ARHGAP25: variants seen among roughly 807,000 people sequenced by gnomAD.
The protein encoded by ARHGAP25 is Rho GTPase activating protein 25.
In ARHGAP25, 34 loss-of-function variants were observed where a neutral mutation model predicts 71.0. The ratio of observed to expected loss-of-function variants is 0.48; its 90% CI spans 0.36 to 0.64. The LOEUF (loss-of-function observed/expected upper bound fraction) is 0.64, where lower values mean the gene tolerates loss of function less well. ARHGAP25 is among the 30% of genes least tolerant of loss of function. The pLI is 0.00. For synonymous variants in ARHGAP25, 282 were observed against 296.5 expected (o/e 0.95, Z 0.50); for missense variants, 706 against 805.1 (o/e 0.88, Z 1.49).
At chr2:68,756,484 CT>C (rs994024152) in intron 1 of ARHGAP25, among the ~76,000 whole-genome samples, 5 of 152,152 alleles carry the variant, frequency 3.3e-5, no homozygotes, top group Admixed American at 1.3e-4. Context: ...CTCCTTTTCC[CT>C]TTTTGGGAGC....
chr2:68,774,972 C>T, intron 1 of ARHGAP25: 1 of 1,431,774 alleles, frequency 7.0e-7, no homozygotes, highest in Non-Finnish European at 9.1e-7. Flanking sequence ...GCCGGACTGC[C>T]TGTGCACGGG....
intron 9 of ARHGAP25, among the ~76,000 whole-genome samples, chr2:68,819,920 T>G (rs1418994977): frequency 6.6e-6 from 1 of 152,202 alleles, no homozygotes; most frequent in Non-Finnish European, 1.5e-5. Flanking sequence ...TTTATATATT[T>G]ATAGGAACAA....
At chr2:68,727,782 C>A (rs1186377615) in intron 2 of ARHGAP25, among the ~76,000 whole-genome samples, 2 of 152,250 alleles carry the variant, frequency 1.3e-5, no homozygotes, top group South Asian at 4.1e-4. Flanking sequence ...AAAACAACAG[C>A]TACAACCATC....
intron 9 of ARHGAP25, 56 bp from the exon 10 acceptor site, chr2:68,822,284 G>A: frequency 6.5e-7 from 1 of 1,537,508 alleles, no homozygotes. Flanking sequence ...TACCTTGGGA[G>A]CATGACACAC....
chr2:68,728,626 G>T (rs1161464223), intron 2 of ARHGAP25, among the ~76,000 whole-genome samples: 1 of 152,136 alleles, frequency 6.6e-6, no homozygotes, highest in African/African-American at 2.4e-5. Context: ...GCCAGGCATG[G>T]TGGCTCACAC....
intron 1 of ARHGAP25, among the ~76,000 whole-genome samples, chr2:68,764,853 A>G (rs569890484): frequency 2.0e-5 from 3 of 152,326 alleles, no homozygotes; most frequent in East Asian, 1.9e-4. Flanking sequence ...CCTATCCTAC[A>G]TCTTGCAGAA....
intron 4 of ARHGAP25, among the ~76,000 whole-genome samples, chr2:68,802,358 A>G (rs756341642): frequency 1.0e-4 from 15 of 146,644 alleles, no homozygotes; most frequent in Non-Finnish European, 1.8e-4. Context: ...CAGTGAGCCA[A>G]GATTGCGCCA....
At position 68,767,703 on chromosome 2, in the gene ARHGAP25, C is replaced by T. The variant is rs1253344923; in HGVS notation, c.62-7518C>T. 6.6e-6 allele frequency among the ~76,000 whole-genome samples: 1 copy of T among 152,168 alleles called. No individual in the cohort carries two copies. Reference sequence around the variant, plus strand: ...AGCTGGTAAGACGTGGCAGGATTACCTAATATGTCCGTTTTCTTGTTGGGG... The same window carrying T: ...AGCTGGTAAGACGTGGCAGGATTACTTAATATGTCCGTTTTCTTGTTGGGG... On this transcript the variant is annotated intron_variant, in intron 1 of 10. Transcript: ENST00000409202. This position sits in a 1 kb window ranked among gnomAD's most constrained non-coding sequence, Gnocchi z 4.6.
At chr2:68,728,807 G>A (rs1320615322) in intron 2 of ARHGAP25, among the ~76,000 whole-genome samples, 1 of 152,118 alleles carries the variant, frequency 6.6e-6, no homozygotes, top group Admixed American at 6.5e-5. Flanking sequence ...AATGTTCATA[G>A]CATCATTTTT....
In ARHGAP25 at chr2:68,816,278, T is replaced by A; in HGVS notation, c.808-11T>A. ...CTGGTAAATGATTTACTTGTGTAAATCTCTTCCCAGGCTCAGCAGGAGTTG... is the reference window on the plus strand; with the variant it reads ...CTGGTAAATGATTTACTTGTGTAAAACTCTTCCCAGGCTCAGCAGGAGTTG... On this transcript the variant is annotated splice_polypyrimidine_tract_variant and intron_variant, in intron 6 of 10. Transcript: ENST00000409202. 2.5e-6 allele frequency: 4 copies of A among 1,611,186 alleles called. No individual in the cohort carries two copies. Among genetic ancestry groups the A allele is most frequent in the Non-Finnish European group, 3.4e-6 (4 of 1,177,416 alleles).
chr2:68,807,311 G>A lies in ARHGAP25; in HGVS notation c.505G>A (p.Glu169Lys). Reference sequence around the variant, plus strand: ...GCGCTTGGATGAGACTGTGGCCTATGAACAGAAATTCGGCCCCCATCTGGT... The same window carrying A: ...GCGCTTGGATGAGACTGTGGCCTATAAACAGAAATTCGGCCCCCATCTGGT... ...GQRLDETVAY[E>K]QKFGPHLVPI... The change falls in exon 5 of 11, where the codon GAA (glutamate) becomes AAA (lysine). Residue 169 changes from glutamate to lysine, a missense_variant. Coordinates refer to ENST00000409202, the MANE Select transcript of ARHGAP25 (RefSeq NM_001007231.3). 6.2e-7 allele frequency: 1 copy of A among 1,614,224 alleles called. No individual in the cohort carries two copies. Among genetic ancestry groups the A allele is most frequent in the Non-Finnish European group, 8.5e-7 (1 of 1,180,038 alleles).
At chr2:68,714,512 T>C (rs1242439576) in intron 2 of ARHGAP25, among the ~76,000 whole-genome samples, 1 of 152,240 alleles carries the variant, frequency 6.6e-6, no homozygotes, top group Non-Finnish European at 1.5e-5. Context: ...AGTTATTTCT[T>C]GTCTTCTGCT....
intron 9 of ARHGAP25, 110 bp from the exon 10 acceptor site, chr2:68,822,230 T>C (rs1025909951): frequency 1.9e-6 from 2 of 1,046,102 alleles, no homozygotes; most frequent in African/African-American, 3.2e-5. Flanking sequence ...AAGAATTTCA[T>C]AGGTATGCTA....
intron 1 of ARHGAP25, chr2:68,735,462 A>G: frequency 1.6e-6 from 1 of 616,470 alleles, no homozygotes; most frequent in Non-Finnish European, 2.9e-6. Flanking sequence ...TTTGGACAAA[A>G]CAGTGGGATG....
Position 68,767,937 on chromosome 2 carries a change from A to G in ARHGAP25, c.62-7284A>G, listed in dbSNP as rs4068873. ...GTGGCTTTGTTCCCAGCTCAGTGAA[A>G]GGTGGCATGGTCTCTCCTGTCCACT... On this transcript the variant is annotated intron_variant, in intron 1 of 10. Transcript: ENST00000409202. The surrounding 1 kb of genome is among the most constrained non-coding windows in gnomAD (Gnocchi z 4.6). Among the ~76,000 whole-genome samples, 129,010 of 152,168 alleles carry G rather than the reference A, an allele frequency of 0.85. 54,927 individuals are homozygous for G. The highest frequency in any genetic ancestry group is 0.9 in the African/African-American group (37,275 of 41,512).
intron 2 of ARHGAP25, among the ~76,000 whole-genome samples, chr2:68,714,119 CT>C (rs34795975): frequency 0.24 from 35,701 of 151,308 alleles, 4,449 homozygotes; most frequent in East Asian, 0.37. Context: ...TGGTCCTTGG[CT>C]TTTTTTTTGA....
chr2:68,818,123 G>T, intron 8 of ARHGAP25, 129 bp downstream of exon 8: 1 of 1,282,534 alleles, frequency 7.8e-7, no homozygotes, highest in Non-Finnish European at 1.1e-6. Flanking sequence ...TCTGAATCAT[G>T]CAATAGCCTT....
At chr2:68,815,492 C>G (rs1303713300) in intron 6 of ARHGAP25, among the ~76,000 whole-genome samples, 1 of 136,086 alleles carries the variant, frequency 7.3e-6, no homozygotes, top group African/African-American at 2.8e-5. Flanking sequence ...GCTCTTTCGC[C>G]CAGGCTGGAG....
chr2:68,814,807 T>C (rs1192596489), intron 6 of ARHGAP25, among the ~76,000 whole-genome samples: 3 of 152,182 alleles, frequency 2.0e-5, no homozygotes, highest in Non-Finnish European at 4.4e-5. Flanking sequence ...GAGAACATGA[T>C]ACAGGTTTTG....
Sources: gnomAD v4.1 joint callset for allele counts (sites outside exome capture counted in the v4.1 genomes callset) on GRCh38, gnomAD v4.1.1 for gene constraint, Gnocchi (gnomAD v3.1) non-coding constraint, MANE v1.5 for transcripts, NCBI Gene and HGNC (gene_info 2026-07-23, HGNC 2026-07-21) for gene names.